Variants in CPE observed in about 807,000 individuals in gnomAD.
CPE encodes carbocypeptidase E.
A neutral mutation model predicts 53.5 loss-of-function variants in CPE; 17 were observed. The ratio of observed to expected loss-of-function variants is 0.32; its 90% CI spans 0.22 to 0.48. CPE has a LOEUF of 0.48. Among genes scored for constraint, CPE ranks in the 20% least tolerant of loss-of-function variants. The pLI, the probability that CPE is intolerant of heterozygous loss-of-function variation, is 0.99. For synonymous variants in CPE, 226 were observed against 228.8 expected (o/e 0.99, Z 0.11); for missense variants, 524 against 614.7 (o/e 0.85, Z 1.56).
Position 165,456,348 on chromosome 4 carries a change from C to T in CPE, c.308-8042C>T, listed in dbSNP as rs376612686. ...TTTTCCCTAGGCCCGTTTACCGCCA[C>T]TCCCCCTAAGTTGAATTCATAATGA... On this transcript the variant is annotated intron_variant, in intron 1 of 8. Coordinates refer to ENST00000402744, the MANE Select transcript of CPE (RefSeq NM_001873.4). Among the ~76,000 whole-genome samples, 14 of 152,286 alleles carry T rather than the reference C, an allele frequency of 9.2e-5. 2 individuals carry two copies. The highest frequency in any genetic ancestry group is 3.3e-4 in the Admixed American group (5 of 15,284).
At chr4:165,440,459 C>G (rs553757794) in intron 1 of CPE, among the ~76,000 whole-genome samples, 2 of 144,376 alleles carry the variant, frequency 1.4e-5, no homozygotes, top group Non-Finnish European at 3.0e-5. Context: ...ACCCCACCCC[C>G]CCCCACACAC....
At chr4:165,422,438 A>G (rs1429274669) in intron 1 of CPE, among the ~76,000 whole-genome samples, 1 of 152,132 alleles carries the variant, frequency 6.6e-6, no homozygotes, top group Non-Finnish European at 1.5e-5. Context: ...AAGTTATGGC[A>G]TTATCTCTGA....
At chr4:165,494,200 C>G (rs779377042) in intron 7 of CPE, among the ~76,000 whole-genome samples, 5 of 152,216 alleles carry the variant, frequency 3.3e-5, no homozygotes, top group Non-Finnish European at 7.3e-5. Flanking sequence ...CATGTAGCCC[C>G]TTAGCCCTTA....
chr4:165,404,772 C>T lies in CPE; in HGVS notation c.307+25244C>T, dbSNP rs558906066. On this transcript the variant is annotated intron_variant, in intron 1 of 8. Transcript: ENST00000402744. Reference sequence around the variant, plus strand: ...ATGATGACCTTCCCCTGCTTGAGACCGATTGCTACAGTTGAAGCACTGGTG... The same window carrying T: ...ATGATGACCTTCCCCTGCTTGAGACTGATTGCTACAGTTGAAGCACTGGTG... The T allele has an allele frequency of 1.6e-4, 128 of 779,294 alleles. 1 individual carries two copies. Among genetic ancestry groups the T allele is most frequent in the South Asian group, 8.3e-4 (62 of 74,668 alleles). 48.3% of individuals were successfully genotyped at this position (779,294 alleles called of 1,614,324 possible). A position where few individuals can be genotyped will look rare whatever the true frequency, so the allele number is the denominator to read the frequency against.
At chr4:165,459,687 G>C (rs1731963917) in intron 1 of CPE, among the ~76,000 whole-genome samples, 1 of 124,918 alleles carries the variant, frequency 8.0e-6, no homozygotes, top group Non-Finnish European at 1.6e-5. Context: ...GGGGGGGCGG[G>C]GCAGATCATG....
At chr4:165,473,086 G>T (rs1732237359) in intron 3 of CPE, among the ~76,000 whole-genome samples, 1 of 152,194 alleles carries the variant, frequency 6.6e-6, no homozygotes. Context: ...AGTCAAAGTA[G>T]CAGTTTATGA....
At chr4:165,481,812 T>C (rs1457466782) in intron 3 of CPE, among the ~76,000 whole-genome samples, 1 of 150,346 alleles carries the variant, frequency 6.7e-6, no homozygotes, top group Non-Finnish European at 1.5e-5. Context: ...CTTTACCACA[T>C]GTTTGAACCA....
chr4:165,461,536 G>A (rs907076134), intron 1 of CPE, among the ~76,000 whole-genome samples: 10 of 152,148 alleles, frequency 6.6e-5, no homozygotes, highest in African/African-American at 2.2e-4. Flanking sequence ...TTTGGCCTTG[G>A]GAGGGAAAAG....
rs754122686 is a variant in CPE at position 165,467,840 on chromosome 4, G to A, written c.657G>A (p.Val219=). Residue 219 remains valine, a synonymous_variant, in exon 3 of 9, where the codon GTG becomes GTA. Coordinates refer to ENST00000402744, the MANE Select transcript of CPE (RefSeq NM_001873.4). Reference sequence around the variant, plus strand: ...TGTTGAAAAATATGAAGAAAATTGTGGATCAAAACACAAAGGTAGTGACCA... The same window carrying A: ...TGTTGAAAAATATGAAGAAAATTGTAGATCAAAACACAAAGGTAGTGACCA... ...NHLLKNMKKI[V]DQNTKLAPET... is the part of the protein sequence containing the mutation. The A allele has an allele frequency of 4.3e-6, 7 of 1,613,338 alleles. No individual in the cohort carries two copies. The highest frequency in any genetic ancestry group is 5.9e-6 in the Non-Finnish European group (7 of 1,179,670).
chr4:165,486,088 A>G (rs1175736792), intron 5 of CPE, among the ~76,000 whole-genome samples: 1 of 152,130 alleles, frequency 6.6e-6, no homozygotes, highest in Non-Finnish European at 1.5e-5. Flanking sequence ...TGGTGGCTCC[A>G]TATCTGTCAG....
chr4:165,484,660 T>C, intron 5 of CPE, 56 bp downstream of exon 5: 2 of 1,492,264 alleles, frequency 1.3e-6, no homozygotes, highest in Non-Finnish European at 1.8e-6. Context: ...ACAATGACCA[T>C]TTAGGTTTAG....
intron 1 of CPE, among the ~76,000 whole-genome samples, chr4:165,384,078 C>T (rs769896810): frequency 1.1e-4 from 16 of 152,338 alleles, no homozygotes; most frequent in Non-Finnish European, 5.9e-5. Context: ...TAGTAACTCC[C>T]TTACCGTCTT....
chr4:165,442,668 A>G (rs1731634169), intron 1 of CPE, among the ~76,000 whole-genome samples: 1 of 152,224 alleles, frequency 6.6e-6, no homozygotes, highest in Non-Finnish European at 1.5e-5. Context: ...CAAGTGCTCA[A>G]ATGTTATTTC....
intron 1 of CPE, among the ~76,000 whole-genome samples, chr4:165,444,553 C>A (rs1184065534): frequency 6.6e-6 from 1 of 152,060 alleles, no homozygotes; most frequent in Non-Finnish European, 1.5e-5. Flanking sequence ...AGAGGTAGAT[C>A]ATTGCAGCAT....
At chr4:165,475,503 G>C (rs1384860566) in intron 3 of CPE, among the ~76,000 whole-genome samples, 3 of 152,224 alleles carry the variant, frequency 2.0e-5, no homozygotes, top group Admixed American at 6.5e-5. Context: ...ATAACAAGGA[G>C]TGTGTGTTTA....
intron 1 of CPE, among the ~76,000 whole-genome samples, chr4:165,384,083 C>T (rs1035459856): frequency 2.0e-5 from 3 of 152,144 alleles, no homozygotes; most frequent in Non-Finnish European, 2.9e-5. Flanking sequence ...ACTCCCTTAC[C>T]GTCTTACCAC....
chr4:165,415,032 AT>A (rs1250909690), intron 1 of CPE: 2 of 158,946 alleles, frequency 1.3e-5, no homozygotes, highest in Non-Finnish European at 2.9e-5. Flanking sequence ...TGAACAGGGC[AT>A]TGGTTTTGAA....
At chr4:165,444,340 A>G (rs1257935386) in intron 1 of CPE, among the ~76,000 whole-genome samples, 1 of 152,106 alleles carries the variant, frequency 6.6e-6, no homozygotes, top group African/African-American at 2.4e-5. Context: ...TAAATTGGCA[A>G]CACATTTGGG....
chr4:165,384,672 TA>T (rs1730559653), intron 1 of CPE, among the ~76,000 whole-genome samples: 1 of 152,156 alleles, frequency 6.6e-6, no homozygotes. Context: ...GAAGTAGTGT[TA>T]CACTTCCATT....
Sources: gnomAD v4.1 joint callset for allele counts (sites outside exome capture counted in the v4.1 genomes callset) on GRCh38, gnomAD v4.1.1 for gene constraint, MANE v1.5 for transcripts, NCBI Gene and HGNC (gene_info 2026-07-23, HGNC 2026-07-21) for gene names.